Variants in NCR3LG1 observed in about 807,000 individuals in gnomAD.
NCR3LG1 encodes natural killer cell cytotoxicity receptor 3 ligand 1, also known as natural cytotoxicity triggering receptor 3 ligand 1.
A neutral mutation model predicts 34.8 loss-of-function variants in NCR3LG1; 35 were observed. The observed-to-expected ratio is 1.01, with a 90% CI of 0.77 to 1.33. The LOEUF (loss-of-function observed/expected upper bound fraction) is 1.33. Ranked by LOEUF, NCR3LG1 falls within the 40% of genes most tolerant of loss-of-function variation. The pLI is 0.00. For missense variants in NCR3LG1, 452 were observed against 423.3 expected (o/e 1.07, Z -0.60); for synonymous variants, 173 against 163.6 (o/e 1.06, Z -0.44).
rs142133579 is a variant in NCR3LG1, at chr11:17,366,991, AT to A, written c.422-10del. The A allele has an allele frequency of 1.1e-5, 16 of 1,520,266 alleles. 1 individual carries two copies. Among genetic ancestry groups the A allele is most frequent in the South Asian group, 4.9e-5 (4 of 82,090 alleles). The allele number at this position is 1,520,266 out of a possible 1,614,324, so 94.2% of individuals were successfully genotyped here. Reference sequence around the variant, plus strand: ...AGGGTGCTGGGCCCAACTCTGTATGATTTTTTTTCCCTGACAGCTTCCCCAG... The same window carrying A: ...AGGGTGCTGGGCCCAACTCTGTATGATTTTTTTCCCTGACAGCTTCCCCAG... On this transcript the variant is annotated splice_polypyrimidine_tract_variant and intron_variant, in intron 2 of 4. Transcript: ENST00000338965.
Position 17,356,866 on chromosome 11 carries a change from T to C in NCR3LG1, c.286T>C (p.Ser96Pro), listed in dbSNP as rs1953215621. ...GGCATTCCGACCTGGAGCCATTGTGTCTCCATGGAGGCTGAAGAGTGGGGA... is the reference window on the plus strand; with the variant it reads ...GGCATTCCGACCTGGAGCCATTGTGCCTCCATGGAGGCTGAAGAGTGGGGA... ...QEAFRPGAIV[S>P]PWRLKSGDAS... is the part of the protein sequence containing the mutation. The change falls in exon 2 of 5, where the codon TCT becomes CCT. Residue 96 changes from serine (S) to proline (P), a missense_variant. Ser to Pro is a moderately conservative substitution (Grantham distance 74). Transcript: ENST00000338965. 2 of 1,535,986 alleles carry C rather than the reference T, an allele frequency of 1.3e-6. No individual in the cohort carries two copies. The highest frequency in any genetic ancestry group is 3.9e-5 in the Admixed American group (2 of 50,982).
At chr11:17,368,703 T>C (rs1276987799) in intron 3 of NCR3LG1, among the ~76,000 whole-genome samples, 164 bp from the exon 4 acceptor site, 1 of 152,010 alleles carries the variant, frequency 6.6e-6, no homozygotes, top group Non-Finnish European at 1.5e-5. Context: ...TGTATGGAGG[T>C]GTATGTGATA....
chr11:17,351,917 C>G lies in NCR3LG1; in HGVS notation c.-53C>G. 1 of 1,407,566 alleles carries G rather than the reference C, an allele frequency of 7.1e-7. No homozygotes were observed. Among genetic ancestry groups the G allele is most frequent in the Non-Finnish European group, 9.7e-7 (1 of 1,031,580 alleles). 87.2% of individuals were successfully genotyped at this position (1,407,566 alleles called of 1,614,324 possible). On this transcript the variant is annotated 5_prime_UTR_variant, in exon 1 of 5. Transcript: ENST00000338965. ...GTCTCCCCCTGCCCTTGGTTTCTAC[C>G]GGGCCGCCTGCTCCCACTCGGCGAA...
chr11:17,353,681 C>G (rs1432728341), intron 1 of NCR3LG1, among the ~76,000 whole-genome samples: 1 of 151,130 alleles, frequency 6.6e-6, no homozygotes. Flanking sequence ...GAGGGAGGAA[C>G]GCCGTTTGGC....
At chr11:17,360,147 C>T (rs573140294) in intron 2 of NCR3LG1, among the ~76,000 whole-genome samples, 8 of 152,310 alleles carry the variant, frequency 5.3e-5, no homozygotes, top group African/African-American at 1.9e-4. Flanking sequence ...CTCAAATGAT[C>T]TGCGTGTCTC....
rs1953480781 is a variant in NCR3LG1 at position 17,376,725 on chromosome 11, A to G, written c.*4213A>G. ...AAGCCTCACACCCTCAGGCTAGGAA[A>G]AGTTGGCCGGGTAATAGCAAATGCC... On this transcript the variant is annotated 3_prime_UTR_variant, in exon 5 of 5. Coordinates refer to ENST00000338965, the MANE Select transcript of NCR3LG1 (RefSeq NM_001202439.3). 1 of 152,228 alleles carries G rather than the reference A, an allele frequency of 6.6e-6. No individual in the cohort carries two copies. Among genetic ancestry groups the G allele is most frequent in the African/African-American group, 2.4e-5 (1 of 41,452 alleles). 9.4% of individuals were successfully genotyped at this position (152,228 alleles called of 1,614,324 possible).
chr11:17,354,491 C>T (rs1388806176), intron 1 of NCR3LG1, among the ~76,000 whole-genome samples: 1 of 148,180 alleles, frequency 6.7e-6, no homozygotes, highest in Non-Finnish European at 1.5e-5. Flanking sequence ...CTTTTAAGCA[C>T]ATGTTAGTGT....
chr11:17,354,985 T>A (rs1052880113), intron 1 of NCR3LG1, among the ~76,000 whole-genome samples: 1 of 152,158 alleles, frequency 6.6e-6, no homozygotes, highest in Non-Finnish European at 1.5e-5. Context: ...TAGTAATGAG[T>A]CTGACTTCTT....
At chr11:17,368,757 A>G in intron 3 of NCR3LG1, 110 bp from the exon 4 acceptor site, 1 of 739,044 alleles carries the variant, frequency 1.4e-6, no homozygotes, top group Non-Finnish European at 2.3e-6. Context: ...TGGTGGTTAA[A>G]TCTCTGACAA....
intron 2 of NCR3LG1, among the ~76,000 whole-genome samples, chr11:17,365,183 G>A (rs76836107): frequency 0.068 from 10,273 of 152,132 alleles, 375 homozygotes; most frequent in Middle Eastern, 0.092. Flanking sequence ...TTTATTATGC[G>A]GCCTTATGTT....
At chr11:17,365,470 G>A (rs573727394) in intron 2 of NCR3LG1, among the ~76,000 whole-genome samples, 4 of 152,262 alleles carry the variant, frequency 2.6e-5, no homozygotes, top group Admixed American at 2.6e-4. Flanking sequence ...CTGGACTGTG[G>A]CCTTCAGAAG....
intron 4 of NCR3LG1, among the ~76,000 whole-genome samples, chr11:17,371,660 G>A (rs1315661319): frequency 1.3e-5 from 2 of 152,222 alleles, no homozygotes; most frequent in African/African-American, 4.8e-5. Flanking sequence ...TAAGGATAGA[G>A]TTAAGATGTT....
chr11:17,372,684 T>G lies in NCR3LG1; in HGVS notation c.*172T>G, dbSNP rs555188747. ...ACTTGGGGTGATGTTATGTTGCTCT[T>G]AAACTCTTAACTACTACAGAGAAAC... is the stretch of plus-strand genomic sequence containing the variant. On this transcript the variant is annotated 3_prime_UTR_variant, in exon 5 of 5. Transcript: ENST00000338965. 165 of 559,788 alleles carry G rather than the reference T, an allele frequency of 2.9e-4. No homozygotes were observed. Among genetic ancestry groups the G allele is most frequent in the African/African-American group, 2.8e-3 (148 of 53,602 alleles). The allele number at this position is 559,788 out of a possible 1,614,324, so 34.7% of individuals were successfully genotyped here.
rs767472971 is a variant in NCR3LG1, at chr11:17,367,041, G to A, written c.454G>A (p.Val152Met). Residue 152 changes from valine (V) to methionine (M), a missense_variant, in exon 3 of 5, where the codon GTG becomes ATG. Val to Met is a conservative substitution (Grantham distance 21, BLOSUM62 1). Transcript: ENST00000338965. ...AGCCAGCAGATTGTTGCTGGATCAAGTGGGCATGAAAGAGAATGAAGACAA... is the reference window on the plus strand; with the variant it reads ...AGCCAGCAGATTGTTGCTGGATCAAATGGGCATGAAAGAGAATGAAGACAA... ...SPASRLLLDQVGMKENEDKYM... is the reference protein window; with the variant it reads ...SPASRLLLDQMGMKENEDKYM... 2.0e-6 allele frequency: 3 copies of A among 1,534,308 alleles called. No individual in the cohort carries two copies. The highest frequency in any genetic ancestry group is 2.4e-5 in the South Asian group (2 of 84,014).
At chr11:17,356,596 C>G (rs1414516567) in intron 1 of NCR3LG1, 55 bp from the exon 2 acceptor site, 2 of 1,296,980 alleles carry the variant, frequency 1.5e-6, no homozygotes. Flanking sequence ...TAGCACATCT[C>G]AAAAAGATGT....
intron 2 of NCR3LG1, among the ~76,000 whole-genome samples, chr11:17,362,983 C>G (rs1348851559): frequency 7.0e-6 from 1 of 142,256 alleles, no homozygotes; most frequent in Non-Finnish European, 1.5e-5. Flanking sequence ...TGCAGTGGTG[C>G]GATCATGGCT....
chr11:17,357,377 A>T (rs890652358), intron 2 of NCR3LG1, among the ~76,000 whole-genome samples: 2 of 152,138 alleles, frequency 1.3e-5, no homozygotes, highest in Non-Finnish European at 2.9e-5. Context: ...ATCATATTGG[A>T]TCAGAGCCCA....
chr11:17,368,761 C>T (rs1201229785), intron 3 of NCR3LG1, 106 bp from the exon 4 acceptor site: 1 of 759,252 alleles, frequency 1.3e-6, no homozygotes, highest in Non-Finnish European at 2.2e-6. Flanking sequence ...GGTTAAATCT[C>T]TGACAAGGAG....
In NCR3LG1 at chr11:17,373,755, A is replaced by G. The variant is rs932039008; in HGVS notation, c.*1243A>G. ...GCAGTCAGAGGGACCTACTGTTTAC[A>G]CAGGCCTTTTTAGTCATGCCTGAAA... On this transcript the variant is annotated 3_prime_UTR_variant, in exon 5 of 5. Coordinates refer to ENST00000338965, the MANE Select transcript of NCR3LG1 (RefSeq NM_001202439.3). 2.0e-5 allele frequency: 3 copies of G among 152,210 alleles called. No individual in the cohort carries two copies. The highest frequency in any genetic ancestry group is 7.2e-5 in the African/African-American group (3 of 41,446). 9.4% of individuals were successfully genotyped at this position (152,210 alleles called of 1,614,324 possible). A position where few individuals can be genotyped will look rare whatever the true frequency, so the allele number is the denominator to read the frequency against.
Sources: allele counts gnomAD v4.1 joint callset (sites outside exome capture counted in the v4.1 genomes callset), GRCh38; gene constraint gnomAD v4.1.1; transcripts MANE v1.5; gene names NCBI Gene and HGNC (gene_info 2026-07-23, HGNC 2026-07-21).